Variants in GKAP1 observed in about 807,000 individuals in gnomAD.
GKAP1 encodes G kinase-anchoring protein 1.
In GKAP1, 31 loss-of-function variants were observed where a neutral mutation model predicts 56.7. The observed-to-expected ratio is 0.55, with a 90% CI of 0.41 to 0.74. The LOEUF (loss-of-function observed/expected upper bound fraction) is 0.74, where lower values mean the gene tolerates loss of function less well. Ranked by LOEUF, GKAP1 falls within the 30% of genes least tolerant of loss-of-function variation. The pLI, the probability that GKAP1 is intolerant of heterozygous loss-of-function variation, is 0.00. For synonymous variants in GKAP1, 151 were observed against 138.6 expected (o/e 1.09, Z -0.63); for missense variants, 364 against 402.3 (o/e 0.90, Z 0.82).
chr9:83,758,809 C>T (rs1943520593), intron 8 of GKAP1, among the ~76,000 whole-genome samples: 1 of 151,144 alleles, frequency 6.6e-6, no homozygotes, highest in Non-Finnish European at 1.5e-5. Flanking sequence ...TTTAAAAATG[C>T]CTAATATATT....
rs776850969 is a variant in GKAP1 at position 83,742,015 on chromosome 9, ATGAAG to A, written c.985_989del (p.Leu329CysfsTer9). On this transcript the variant is annotated frameshift_variant, in exon 12 of 13. Transcript: ENST00000376371. LOFTEE classifies it high-confidence loss of function. ...TAGATCTTTCTTGTTCTAATGCAGC[ATGAAG>A]TGAAGTCACCTATAACCAAATATTC... 2.5e-6 allele frequency: 4 copies of A among 1,588,296 alleles called. No homozygotes were observed. In the Admixed American group the frequency reaches 5.8e-5, roughly 23 times the overall value.
At chr9:83,785,669 T>C (rs780302598) in intron 5 of GKAP1, among the ~76,000 whole-genome samples, 3 of 152,204 alleles carry the variant, frequency 2.0e-5, no homozygotes, top group Non-Finnish European at 2.9e-5. Context: ...CTTAAATTCA[T>C]TCTCTGTTCT....
chr9:83,779,438 T>C (rs1275908024), intron 7 of GKAP1, among the ~76,000 whole-genome samples: 1 of 74,244 alleles, frequency 1.3e-5, no homozygotes, highest in Non-Finnish European at 3.2e-5. Context: ...TATATATATA[T>C]ATATATATAT....
intron 2 of GKAP1, among the ~76,000 whole-genome samples, chr9:83,810,220 G>A (rs186813841): frequency 7.2e-5 from 11 of 152,246 alleles, no homozygotes; most frequent in African/African-American, 2.4e-4. Context: ...TGAATGCTTA[G>A]ATAAAAATTG....
At chr9:83,762,636 C>T (rs1032645341) in intron 8 of GKAP1, among the ~76,000 whole-genome samples, 5 of 152,058 alleles carry the variant, frequency 3.3e-5, no homozygotes, top group Admixed American at 3.3e-4. Context: ...ATCATGTTAC[C>T]TGACTTCAAA....
At chr9:83,770,463 C>A (rs985319683) in intron 7 of GKAP1, among the ~76,000 whole-genome samples, 1 of 152,180 alleles carries the variant, frequency 6.6e-6, no homozygotes, top group African/African-American at 2.4e-5. Flanking sequence ...TGTTTCTGAA[C>A]TCTTAATCCT....
intron 9 of GKAP1, among the ~76,000 whole-genome samples, chr9:83,750,460 T>C (rs1279616011): frequency 1.3e-5 from 2 of 152,216 alleles, no homozygotes; most frequent in Admixed American, 6.5e-5. Flanking sequence ...TCTTACACTC[T>C]ATACTTATCC....
At chr9:83,781,341 C>T (rs149676090) in intron 6 of GKAP1, among the ~76,000 whole-genome samples, 20 of 152,286 alleles carry the variant, frequency 1.3e-4, no homozygotes, top group African/African-American at 3.6e-4. Flanking sequence ...CCAACCTGGG[C>T]GACAGAGCAA....
intron 4 of GKAP1, among the ~76,000 whole-genome samples, chr9:83,793,290 T>C (rs1407442482): frequency 6.6e-6 from 1 of 152,238 alleles, no homozygotes; most frequent in Non-Finnish European, 1.5e-5. Flanking sequence ...TGAAGACATC[T>C]AACACTTGCA....
chr9:83,760,516 G>A (rs1040317331), intron 8 of GKAP1, among the ~76,000 whole-genome samples: 41 of 152,156 alleles, frequency 2.7e-4, no homozygotes, highest in Middle Eastern at 6.8e-3. Flanking sequence ...AAACCAAATG[G>A]ACCTAATAGA....
At chr9:83,804,983 T>A (rs1944413789) in intron 3 of GKAP1, among the ~76,000 whole-genome samples, 3 of 152,002 alleles carry the variant, frequency 2.0e-5, no homozygotes. Context: ...AACAGCTCAT[T>A]GAGAACGGGC....
At chr9:83,784,428 T>C (rs541511114) in intron 6 of GKAP1, among the ~76,000 whole-genome samples, 11 of 152,336 alleles carry the variant, frequency 7.2e-5, no homozygotes, top group African/African-American at 2.2e-4. Context: ...TGCCATGTGA[T>C]GACTCGTCAA....
intron 11 of GKAP1, 88 bp from the exon 12 acceptor site, chr9:83,742,117 G>C: frequency 1.3e-6 from 1 of 778,972 alleles, no homozygotes; most frequent in Non-Finnish European, 2.1e-6. Flanking sequence ...ATAGGTTTTT[G>C]ACAGCTAAAT....
At chr9:83,756,945 T>C (rs1943487872) in intron 8 of GKAP1, among the ~76,000 whole-genome samples, 2 of 152,194 alleles carry the variant, frequency 1.3e-5, no homozygotes, top group Non-Finnish European at 2.9e-5. Flanking sequence ...TTTCAATAAA[T>C]ACCTTTTAAA....
At chr9:83,756,052 G>A (rs1943469753) in intron 8 of GKAP1, among the ~76,000 whole-genome samples, 1 of 151,982 alleles carries the variant, frequency 6.6e-6, no homozygotes, top group Non-Finnish European at 1.5e-5. Flanking sequence ...CGATCCACCT[G>A]CCTTGGCCTC....
At chr9:83,763,895 A>T (rs1000898672) in intron 8 of GKAP1, among the ~76,000 whole-genome samples, 2 of 152,186 alleles carry the variant, frequency 1.3e-5, no homozygotes, top group Admixed American at 1.3e-4. Flanking sequence ...CCACTATGTC[A>T]AACTATCACT....
Position 83,817,716 on chromosome 9 carries a change from C to T in GKAP1, c.-375G>A. ...ACTAACGGGTCCCGGGGCGCCGGGG[C>T]GGACCGCGGAGGTGAGCGCGGCTGC... On this transcript the variant is annotated 5_prime_UTR_variant, in exon 1 of 13. Coordinates refer to ENST00000376371, the MANE Select transcript of GKAP1 (RefSeq NM_025211.4). 1 of 152,152 alleles carries T rather than the reference C, an allele frequency of 6.6e-6. No homozygotes were observed. Among genetic ancestry groups the T allele is most frequent in the Non-Finnish European group, 1.5e-5 (1 of 68,352 alleles). The allele number at this position is 152,152 out of a possible 1,614,324, so 9.4% of individuals were successfully genotyped here. A position where few individuals can be genotyped will look rare whatever the true frequency, so the allele number is the denominator to read the frequency against.
intron 5 of GKAP1, among the ~76,000 whole-genome samples, chr9:83,786,625 G>C (rs1165374421): frequency 2.0e-5 from 3 of 151,966 alleles, no homozygotes; most frequent in Non-Finnish European, 4.4e-5. Flanking sequence ...AAAATCCTTA[G>C]GCTAAAACAA....
At chr9:83,802,767 C>T (rs1353343964) in intron 3 of GKAP1, among the ~76,000 whole-genome samples, 2 of 151,314 alleles carry the variant, frequency 1.3e-5, no homozygotes, top group East Asian at 3.9e-4. Flanking sequence ...TTTGAGGCTA[C>T]AGTGAGCTAT....
Sources: gnomAD v4.1 joint callset for allele counts (sites outside exome capture counted in the v4.1 genomes callset) on GRCh38, gnomAD v4.1.1 for gene constraint, MANE v1.5 for transcripts, NCBI Gene and HGNC (gene_info 2026-07-23, HGNC 2026-07-21) for gene names.